Variants in CARD8 observed in about 807,000 individuals in gnomAD.
CARD8 encodes the protein caspase recruitment domain family member 8.
A neutral mutation model predicts 53.2 loss-of-function variants in CARD8; 38 were observed. That is an observed-to-expected ratio of 0.71 (90% CI 0.55 to 0.94). The LOEUF (loss-of-function observed/expected upper bound fraction) is 0.94, where lower values mean the gene tolerates loss of function less well. CARD8 is among the 40% of genes least tolerant of loss of function. CARD8 has a pLI of 0.00. For missense variants in CARD8, 561 were observed against 655.5 expected, an observed-to-expected ratio of 0.86 and a Z score of 1.57; for synonymous variants, 245 against 244.9, an observed-to-expected ratio of 1.00 and a Z score of 0.00.
chr19:48,241,641 T>C (rs1245369742), intron 3 of CARD8, among the ~76,000 whole-genome samples: 1 of 152,196 alleles, frequency 6.6e-6, no homozygotes, highest in Non-Finnish European at 1.5e-5. Flanking sequence ...GATTCCAACC[T>C]GACAGAGGCA....
At chr19:48,225,184 C>G (rs1220426319) in intron 10 of CARD8, among the ~76,000 whole-genome samples, 1 of 151,992 alleles carries the variant, frequency 6.6e-6, no homozygotes, top group Non-Finnish European at 1.5e-5. Context: ...GAAGAGGGTA[C>G]AGTGATCAAG....
chr19:48,219,480 G>A (rs2040049622), intron 11 of CARD8, among the ~76,000 whole-genome samples: 1 of 152,112 alleles, frequency 6.6e-6, no homozygotes, highest in African/African-American at 2.4e-5. Context: ...AAGCTGCCCT[G>A]GGGAGCAAGA....
At chr19:48,240,640 A>G (rs1426513656) in intron 4 of CARD8, among the ~76,000 whole-genome samples, 2 of 152,022 alleles carry the variant, frequency 1.3e-5, no homozygotes, top group Non-Finnish European at 2.9e-5. Flanking sequence ...GTGGTGGTGC[A>G]TGCCTGTAAT....
chr19:48,243,087 C>A lies in CARD8; in HGVS notation c.-43-2024G>T, dbSNP rs532999902. 1.4e-4 allele frequency among the ~76,000 whole-genome samples: 21 copies of A among 152,160 alleles called. No homozygotes were observed. The South Asian group carries it at 1.9e-3, about 14-fold the overall frequency. ...CAAATCATTAATTTGTAATTAGTCACCAGGCTGCTCCACCTCCCAGGTTCA... is the reference window on the plus strand; with the variant it reads ...CAAATCATTAATTTGTAATTAGTCAACAGGCTGCTCCACCTCCCAGGTTCA... On this transcript the variant is annotated intron_variant, in intron 3 of 13. Coordinates refer to ENST00000651546, the MANE Select transcript of CARD8 (RefSeq NM_001184900.3).
chr19:48,232,566 G>A, intron 6 of CARD8, 73 bp from the exon 7 acceptor site: 1 of 1,332,110 alleles, frequency 7.5e-7, no homozygotes, highest in South Asian at 1.3e-5. Flanking sequence ...TGAAGACGAT[G>A]TTATTGAAAA....
At chr19:48,245,498 C>G (rs1163849843) in intron 3 of CARD8, among the ~76,000 whole-genome samples, 1 of 152,102 alleles carries the variant, frequency 6.6e-6, no homozygotes, top group African/African-American at 2.4e-5. Flanking sequence ...CAGGTGTCAG[C>G]CACCGCACCA....
downstream of CARD8, among the ~76,000 whole-genome samples, chr19:48,204,567 T>A (rs2037273967): frequency 6.6e-6 from 1 of 152,004 alleles, no homozygotes; most frequent in Admixed American, 6.6e-5. Flanking sequence ...CTTTTGCCAT[T>A]CTGCAGTTAT....
At position 48,230,637 on chromosome 19, in the gene CARD8, T is replaced by A. The variant is rs751354721; in HGVS notation, c.836A>T (p.Glu279Val). 1.2e-6 allele frequency: 2 copies of A among 1,614,054 alleles called. No individual in the cohort carries two copies. The highest frequency in any genetic ancestry group is 3.3e-5 in the Admixed American group (2 of 60,002). Residue 279 changes from glutamate to valine, a missense_variant, in exon 10 of 14, where the codon GAG (glutamate) becomes GTG (valine). Physicochemically the swap from Glu to Val is moderately radical, Grantham distance 121. Transcript: ENST00000651546. Reference sequence around the variant, plus strand: ...GAAAGGCTCCACCCGGGCTGGATGCTCCAGGACCATCCCTTCATTCTTAAA... The same window carrying A: ...GAAAGGCTCCACCCGGGCTGGATGCACCAGGACCATCCCTTCATTCTTAAA... The part of the protein sequence containing the change: ...AHFKNEGMVL[E>V]HPARVEPFYA...
rs575360100 is a variant in CARD8 at position 48,255,105 on chromosome 19, C to T, written c.-252+687G>A. Among the ~76,000 whole-genome samples the T allele has an allele frequency of 2.8e-4, 43 of 152,316 alleles. No homozygotes were observed. The South Asian group carries it at 8.3e-3, about 29-fold the overall frequency. On this transcript the variant is annotated intron_variant, in intron 1 of 13. Transcript: ENST00000651546. ...GTTTCCGGCTGGGCGCAGTGGCTCA[C>T]GCCTGTAATCCCAACACTTTGGGAG...
intron 6 of CARD8, chr19:48,234,051 G>C: frequency 5.6e-6 from 1 of 179,714 alleles, no homozygotes; most frequent in South Asian, 1.4e-4. Flanking sequence ...TCCCCTCCCC[G>C]GTGTTAAACC....
At chr19:48,225,878 C>A (rs1459198607) in intron 10 of CARD8, among the ~76,000 whole-genome samples, 7 of 152,040 alleles carry the variant, frequency 4.6e-5, no homozygotes, top group African/African-American at 1.7e-4. Context: ...TATGGTGAAA[C>A]CGTGTCTCTA....
At chr19:48,215,417 G>C in intron 12 of CARD8, 33 bp from the exon 13 acceptor site, 1 of 1,489,070 alleles carries the variant, frequency 6.7e-7, no homozygotes, top group South Asian at 1.1e-5. Context: ...ATGATGAGAT[G>C]AGATAAATCA....
intron 3 of CARD8, among the ~76,000 whole-genome samples, chr19:48,242,257 C>A (rs1009711093): frequency 1.3e-5 from 2 of 152,152 alleles, no homozygotes; most frequent in African/African-American, 4.8e-5. Flanking sequence ...CTCGCTCCCG[C>A]TTTCTACCGT....
In CARD8 at chr19:48,222,319, A is replaced by C. The variant is rs1188301530; in HGVS notation, c.1036-464T>G. On this transcript the variant is annotated intron_variant, in intron 10 of 13. Coordinates refer to ENST00000651546, the MANE Select transcript of CARD8 (RefSeq NM_001184900.3). ...GTCACAGGGCTGCTGTGAGATGCTCAATCACCTGACCACCAGCGAGCAGAA... is the reference window on the plus strand; with the variant it reads ...GTCACAGGGCTGCTGTGAGATGCTCCATCACCTGACCACCAGCGAGCAGAA... Among the ~76,000 whole-genome samples, 3 of 152,180 alleles carry C rather than the reference A, an allele frequency of 2.0e-5. No homozygotes were observed. The East Asian group carries it at 5.8e-4, about 29-fold the overall frequency.
chr19:48,244,876 TG>T (rs35023780), intron 3 of CARD8, among the ~76,000 whole-genome samples: 4,679 of 150,568 alleles, frequency 0.031, 114 homozygotes, highest in Middle Eastern at 0.078. Flanking sequence ...CAATCACTCT[TG>T]GGGGGAAAAA....
intron 10 of CARD8, among the ~76,000 whole-genome samples, chr19:48,227,891 C>T (rs1455705516): frequency 6.6e-6 from 1 of 152,034 alleles, no homozygotes; most frequent in Non-Finnish European, 1.5e-5. Context: ...AGATCCCCAA[C>T]ACCCGGGCCG....
chr19:48,220,672 G>C (rs1366974480), intron 11 of CARD8, among the ~76,000 whole-genome samples: 1 of 152,038 alleles, frequency 6.6e-6, no homozygotes, highest in African/African-American at 2.4e-5. Context: ...TCAGCACTTT[G>C]GGAGGCCAAG....
chr19:48,231,462 G>A (rs942226017), intron 8 of CARD8, among the ~76,000 whole-genome samples, 198 bp downstream of exon 8: 2 of 151,934 alleles, frequency 1.3e-5, no homozygotes, highest in Non-Finnish European at 2.9e-5. Context: ...GTGCCACCAC[G>A]CCTGACTAAT....
intron 5 of CARD8, among the ~76,000 whole-genome samples, chr19:48,236,709 C>T (rs941027339): frequency 1.3e-4 from 20 of 152,188 alleles, no homozygotes; most frequent in African/African-American, 4.8e-4. Context: ...CCTGAGTTAA[C>T]AGTACTGTAT....
Sources: allele counts gnomAD v4.1 joint callset (sites outside exome capture counted in the v4.1 genomes callset), GRCh38; gene constraint gnomAD v4.1.1; transcripts MANE v1.5; gene names NCBI Gene and HGNC (gene_info 2026-07-23, HGNC 2026-07-21).